The following MRTFA variants were observed in gnomAD, a reference collection of about 807,000 sequenced individuals.
The protein encoded by MRTFA is myocardin-related transcription factor A.
MRTFA carries 20 observed loss-of-function variants against 83.5 expected under a neutral mutation model. That is an observed-to-expected ratio of 0.24 (90% CI 0.17 to 0.35). MRTFA has a LOEUF of 0.35. Ranked by LOEUF, MRTFA falls within the 10% of genes least tolerant of loss-of-function variation. The pLI, the probability that MRTFA is intolerant of heterozygous loss-of-function variation, is 1.00. For missense variants in MRTFA, 1,200 were observed against 1,224.7 expected (o/e 0.98, Z 0.30); for synonymous variants, 659 against 541.2 (o/e 1.22, Z -3.02).
At chr22:40,548,772 G>A (rs1489425842) in intron 3 of MRTFA, among the ~76,000 whole-genome samples, 2 of 152,020 alleles carry the variant, frequency 1.3e-5, no homozygotes, top group East Asian at 3.9e-4. Flanking sequence ...GCTGAGGCAG[G>A]AGAATTACTT....
At chr22:40,542,289 T>C (rs1047697136) in intron 3 of MRTFA, among the ~76,000 whole-genome samples, 1 of 152,228 alleles carries the variant, frequency 6.6e-6, no homozygotes, top group African/African-American at 2.4e-5. Context: ...TCTGCTTAAA[T>C]GTCTCTTCCT....
intron 1 of MRTFA, among the ~76,000 whole-genome samples, chr22:40,619,329 A>G (rs2056491439): frequency 6.6e-6 from 1 of 152,204 alleles, no homozygotes; most frequent in Non-Finnish European, 1.5e-5. Flanking sequence ...GAATGTTGGT[A>G]AAAATATGAA....
intron 2 of MRTFA, among the ~76,000 whole-genome samples, chr22:40,581,945 G>T (rs973573113): frequency 1.3e-5 from 2 of 152,056 alleles, no homozygotes; most frequent in Admixed American, 6.6e-5. Flanking sequence ...TATAAAATTC[G>T]CCCTTTCGAA....
intron 2 of MRTFA, among the ~76,000 whole-genome samples, chr22:40,578,400 G>A (rs1326207241): frequency 1.3e-5 from 2 of 152,168 alleles, no homozygotes; most frequent in African/African-American, 4.8e-5. Flanking sequence ...GAGGAAAAAA[G>A]AAAATGAAAC....
chr22:40,442,843 G>A (rs987503288), intron 4 of MRTFA, among the ~76,000 whole-genome samples: 21 of 152,214 alleles, frequency 1.4e-4, no homozygotes, highest in Non-Finnish European at 2.9e-4. Flanking sequence ...CAAACATGAA[G>A]GTATAAAAGA....
At chr22:40,460,011 C>T (rs1343031859) in intron 4 of MRTFA, among the ~76,000 whole-genome samples, 1 of 151,480 alleles carries the variant, frequency 6.6e-6, no homozygotes, top group African/African-American at 2.4e-5. Flanking sequence ...GGTGCAAACT[C>T]GGCTTGCTGC....
rs200627669 is a variant in MRTFA, at chr22:40,424,244, C to G, written c.739G>C (p.Glu247Gln). Residue 247 changes from glutamate (E) to glutamine (Q), a missense_variant, in exon 8 of 15, where the codon GAA (glutamate) becomes CAA (glutamine). Transcript: ENST00000355630. The stretch of plus-strand genomic sequence containing the variant: ...GCAGAGGTGGCACTGAGCAGTGGTT[C>G]GCTGACTCGGGCCTCCAGGGGTGAC... 6.2e-7 allele frequency: 1 copy of G among 1,606,716 alleles called. No individual in the cohort carries two copies. The highest frequency in any genetic ancestry group is 2.2e-5 in the East Asian group (1 of 44,600).
intron 3 of MRTFA, chr22:40,523,571 A>C (rs948970405): frequency 5.3e-5 from 8 of 152,204 alleles, no homozygotes; most frequent in African/African-American, 1.9e-4. Flanking sequence ...AACTTCTGAC[A>C]TCAAGCAATC....
chr22:40,561,489 T>TAAAA lies in MRTFA; in HGVS notation c.-21-9126_-21-9123dup, dbSNP rs58076826. The stretch of plus-strand genomic sequence containing the variant: ...CTGGATGATGGAGTGAAACTATGTC[T>TAAAA]AAAAAAAAAAAAAAAAAAGTTACTG... On this transcript the variant is annotated intron_variant, in intron 2 of 14. Transcript: ENST00000355630. Among the ~76,000 whole-genome samples, 64 of 112,468 alleles carry TAAAA rather than the reference T, an allele frequency of 5.7e-4. 1 individual carries two copies. Among genetic ancestry groups the TAAAA allele is most frequent in the African/African-American group, 1.4e-3 (41 of 29,560 alleles). 73.8% of individuals were successfully genotyped at this position (112,468 alleles called of 152,430 possible).
rs376633006 is a variant in MRTFA, at chr22:40,544,966, T to C, written c.241+7140A>G. ...AATAAATAAATAAAATAAATATATA[T>C]ATATACACATAAAATAACGGAAAGT... On this transcript the variant is annotated intron_variant, in intron 3 of 14. Coordinates refer to ENST00000355630, the MANE Select transcript of MRTFA (RefSeq NM_020831.6). Among the ~76,000 whole-genome samples the C allele has an allele frequency of 2.0e-5, 3 of 150,360 alleles. No individual in the cohort carries two copies. The East Asian group carries it at 5.8e-4, about 29-fold the overall frequency.
intron 1 of MRTFA, among the ~76,000 whole-genome samples, chr22:40,624,740 C>CAA (rs954543671): frequency 1.2e-4 from 19 of 152,304 alleles, no homozygotes; most frequent in Admixed American, 2.6e-4. Flanking sequence ...ATAATTAACT[C>CAA]AGCGTTATTT....
At chr22:40,587,609 A>T in intron 2 of MRTFA, 1 of 306,386 alleles carries the variant, frequency 3.3e-6, no homozygotes, top group Non-Finnish European at 6.5e-6. Flanking sequence ...GGTAAGGCAG[A>T]GGCAGCCAGG....
chr22:40,474,912 CA>C (rs1569285968), intron 3 of MRTFA, among the ~76,000 whole-genome samples: 1 of 152,102 alleles, frequency 6.6e-6, no homozygotes, highest in Non-Finnish European at 1.5e-5. Context: ...GATTTTGGCT[CA>C]ATGCAGCCTC....
Position 40,411,551 on chromosome 22 carries a change from C to G in MRTFA, c.2935G>C (p.Asp979His). ...CTGTCCAGGTGGCCATCAGCCAGGT[C>G]CAGGCCCATGGTGCTGCTGGGCTCA... Residue 979 changes from aspartate (D) to histidine (H), a missense_variant, in exon 15 of 15, where the codon GAC becomes CAC. Physicochemically the swap from Asp to His is moderately conservative, Grantham distance 81. Transcript: ENST00000355630. 1 of 1,613,672 alleles carries G rather than the reference C, an allele frequency of 6.2e-7. No homozygotes were observed. Among genetic ancestry groups the G allele is most frequent in the East Asian group, 2.2e-5 (1 of 44,878 alleles).
At chr22:40,420,645 C>G in intron 10 of MRTFA, 69 bp from the exon 11 acceptor site, 1 of 1,579,308 alleles carries the variant, frequency 6.3e-7, no homozygotes, top group African/African-American at 1.3e-5. Context: ...GCAGCCCAAG[C>G]CTGGGCAGCA....
intron 7 of MRTFA, among the ~76,000 whole-genome samples, chr22:40,427,036 C>G (rs2052968545): frequency 6.6e-6 from 1 of 152,224 alleles, no homozygotes; most frequent in Non-Finnish European, 1.5e-5. Flanking sequence ...TTAGTCTTCT[C>G]ACATCAGACC....
In MRTFA at chr22:40,423,697, A is replaced by G. The variant is rs2052892652; in HGVS notation, c.778-12T>C. On this transcript the variant is annotated splice_polypyrimidine_tract_variant and intron_variant, in intron 8 of 14. Transcript: ENST00000355630. Reference sequence around the variant, plus strand: ...AGTTGAGACACAACCTGAGAGGGAAAAAGGGAAGTGAGGACATGGCCACCT... The same window carrying G: ...AGTTGAGACACAACCTGAGAGGGAAGAAGGGAAGTGAGGACATGGCCACCT... The G allele has an allele frequency of 1.3e-6, 2 of 1,528,286 alleles. No individual in the cohort carries two copies. The highest frequency in any genetic ancestry group is 8.8e-7 in the Non-Finnish European group (1 of 1,131,356). The allele number at this position is 1,528,286 out of a possible 1,614,324, so 94.7% of individuals were successfully genotyped here. A position where few individuals can be genotyped will look rare whatever the true frequency, so the allele number is the denominator to read the frequency against.
intron 3 of MRTFA, among the ~76,000 whole-genome samples, chr22:40,549,335 AG>A (rs1305033091): frequency 1.3e-5 from 2 of 152,364 alleles, no homozygotes; most frequent in African/African-American, 4.8e-5. Flanking sequence ...CTAAACATCC[AG>A]GAACAGTAAA....
chr22:40,445,392 T>C (rs1267420206), intron 4 of MRTFA, among the ~76,000 whole-genome samples: 1 of 152,230 alleles, frequency 6.6e-6, no homozygotes, highest in East Asian at 1.9e-4. Flanking sequence ...AAGGACATTT[T>C]CTTACATAAC....
Sources: allele counts gnomAD v4.1 joint callset (sites outside exome capture counted in the v4.1 genomes callset), GRCh38; gene constraint gnomAD v4.1.1; transcripts MANE v1.5; gene names NCBI Gene and HGNC (gene_info 2026-07-23, HGNC 2026-07-21).